The following CCDC3 variants were observed in gnomAD, a reference collection of about 807,000 sequenced individuals.
CCDC3 encodes the protein coiled-coil domain-containing protein 3.
A neutral mutation model predicts 21.4 loss-of-function variants in CCDC3; 24 were observed. The ratio of observed to expected loss-of-function variants is 1.12; its 90% CI spans 0.81 to 1.58. The LOEUF (loss-of-function observed/expected upper bound fraction) is 1.58, where lower values mean the gene tolerates loss of function less well. Among genes scored for constraint, CCDC3 ranks in the 40% most tolerant of loss-of-function variants. The probability of loss-of-function intolerance (pLI) is 0.00; values close to 1 mark genes in which losing one functional copy is unlikely to be tolerated. For synonymous variants in CCDC3, 186 were observed against 166.0 expected (o/e 1.12, Z -0.93); for missense variants, 425 against 360.9 (o/e 1.18, Z -1.44).
intron 5 of CCDC3, among the ~76,000 whole-genome samples, chr10:13,048,694 G>A (rs1836564184): frequency 6.6e-6 from 1 of 152,120 alleles, no homozygotes; most frequent in Non-Finnish European, 1.5e-5. Context: ...ACCTCCACAA[G>A]CAGATGAGTC....
At chr10:13,046,150 A>G (rs1307212556) in intron 5 of CCDC3, among the ~76,000 whole-genome samples, 3 of 152,156 alleles carry the variant, frequency 2.0e-5, no homozygotes, top group Non-Finnish European at 4.4e-5. Context: ...TCATTCCTGT[A>G]ATCCCAGCAC....
chr10:13,059,698 G>A (rs559384027), intron 4 of CCDC3, among the ~76,000 whole-genome samples: 58 of 152,208 alleles, frequency 3.8e-4, no homozygotes, highest in Middle Eastern at 3.4e-3. Flanking sequence ...AACTGACCAC[G>A]AAATGGGAGG....
intron 2 of CCDC3, among the ~76,000 whole-genome samples, chr10:12,952,618 T>TTATACA: frequency 6.6e-6 from 1 of 152,172 alleles, no homozygotes; most frequent in East Asian, 1.9e-4. Flanking sequence ...CTTCATCCTT[T>TTATACA]GGCATTGATG....
At chr10:13,014,285 CT>C (rs1219160203) in intron 5 of CCDC3, among the ~76,000 whole-genome samples, 1 of 150,296 alleles carries the variant, frequency 6.7e-6, no homozygotes, top group Admixed American at 6.6e-5. Context: ...CTCATCTCTA[CT>C]AAAAATACAA....
At chr10:12,967,573 A>G (rs561616145) in intron 2 of CCDC3, among the ~76,000 whole-genome samples, 1 of 152,292 alleles carries the variant, frequency 6.6e-6, no homozygotes, top group Non-Finnish European at 1.5e-5. Context: ...AGGAGAAAAA[A>G]AGTCTGTGAA....
chr10:13,006,019 T>C (rs184237228), upstream of CCDC3, among the ~76,000 whole-genome samples: 83 of 152,264 alleles, frequency 5.5e-4, 1 homozygote, highest in Middle Eastern at 3.4e-3. Flanking sequence ...CCTGAATTTT[T>C]GTGGGGCCTA....
At chr10:13,061,424 C>G (rs1309461144) in intron 4 of CCDC3, among the ~76,000 whole-genome samples, 1 of 152,176 alleles carries the variant, frequency 6.6e-6, no homozygotes, top group Non-Finnish European at 1.5e-5. Flanking sequence ...GGAGCATCCC[C>G]TCTGGTCTTG....
At position 13,027,824 on chromosome 10, in the gene CCDC3, A is replaced by G. The variant is rs1004888424; in HGVS notation, c.-2+21850T>C. On this transcript the variant is annotated intron_variant, in intron 5 of 6. Transcript: ENST00000378839. The stretch of plus-strand genomic sequence containing the variant: ...CTACTATTAGCACCATTTTATGGAT[A>G]ATGAACTAAAACAATAGTTGAGAGA... 2.0e-5 allele frequency among the ~76,000 whole-genome samples: 3 copies of G among 152,280 alleles called. No homozygotes were observed. The East Asian group carries it at 5.8e-4, about 29-fold the overall frequency.
chr10:13,027,720 TA>T (rs5783300), intron 5 of CCDC3, among the ~76,000 whole-genome samples: 4 of 144,174 alleles, frequency 2.8e-5, no homozygotes, highest in African/African-American at 5.2e-5. Context: ...CAAAAAAAAT[TA>T]AAAAAAAAAA....
intron 5 of CCDC3, among the ~76,000 whole-genome samples, chr10:13,027,615 G>A (rs1419205593): frequency 6.6e-6 from 1 of 152,030 alleles, no homozygotes; most frequent in East Asian, 1.9e-4. Context: ...GGAGGCTGAG[G>A]CGGGAGGATT....
chr10:13,051,276 C>T (rs564200274), intron 4 of CCDC3, among the ~76,000 whole-genome samples: 1 of 152,314 alleles, frequency 6.6e-6, no homozygotes, highest in East Asian at 1.9e-4. Context: ...AAGGCCACTC[C>T]AGCGCTGGTT....
chr10:12,914,569 C>T (rs1834320917), intron 2 of CCDC3, among the ~76,000 whole-genome samples: 1 of 152,042 alleles, frequency 6.6e-6, no homozygotes, highest in South Asian at 2.1e-4. Flanking sequence ...CTCAGCCTCC[C>T]AAGCAGCTGG....
Position 13,074,949 on chromosome 10 carries a change from G to T in CCDC3, c.-502-849C>A, listed in dbSNP as rs558544308. 4.2e-4 allele frequency among the ~76,000 whole-genome samples: 64 copies of T among 152,304 alleles called. No homozygotes were observed. The Middle Eastern group carries it at 0.01, about 24-fold the overall frequency. ...TTAAGATGCTGGCCCTATAGAAATA[G>T]ATTTCATGTTTTCCAAAGAGGACCC... On this transcript the variant is annotated intron_variant, in intron 3 of 6. Coordinates refer to the CCDC3 transcript ENST00000378839.
intron 2 of CCDC3, among the ~76,000 whole-genome samples, chr10:12,919,748 G>A (rs954575237): frequency 8.6e-5 from 13 of 151,762 alleles, no homozygotes; most frequent in African/African-American, 1.4e-4. Flanking sequence ...CAGAGTGCCC[G>A]GGGTGGGTGG....
chr10:13,091,362 C>G (rs571667737), intron 3 of CCDC3, among the ~76,000 whole-genome samples: 31 of 152,248 alleles, frequency 2.0e-4, no homozygotes, highest in African/African-American at 7.2e-4. Flanking sequence ...GATTAGTGCC[C>G]TCATGAAAGA....
intron 4 of CCDC3, among the ~76,000 whole-genome samples, chr10:13,072,913 C>T (rs1379123501): frequency 7.1e-6 from 1 of 141,278 alleles, no homozygotes; most frequent in Non-Finnish European, 1.5e-5. Flanking sequence ...GTCACCCAGG[C>T]TAGAGTGCAG....
At chr10:12,907,599 G>T (rs761383807) in intron 2 of CCDC3, among the ~76,000 whole-genome samples, 1 of 152,128 alleles carries the variant, frequency 6.6e-6, no homozygotes, top group Non-Finnish European at 1.5e-5. Flanking sequence ...AGCTGAGATC[G>T]CACCACTGCA....
intron 3 of CCDC3, among the ~76,000 whole-genome samples, chr10:13,085,950 G>C (rs1460096232): frequency 6.8e-6 from 1 of 147,868 alleles, no homozygotes; most frequent in Non-Finnish European, 1.5e-5. Flanking sequence ...CTGGGTGACA[G>C]AGAGAGACTC....
At chr10:13,001,091 A>T (rs1554760373) in intron 1 of CCDC3, 106 bp downstream of exon 1, 1 of 1,408,088 alleles carries the variant, frequency 7.1e-7, no homozygotes, top group East Asian at 2.5e-5. Flanking sequence ...TTCTCACTTG[A>T]CACCGACAGG....
Sources: allele counts gnomAD v4.1 joint callset (sites outside exome capture counted in the v4.1 genomes callset), GRCh38; gene constraint gnomAD v4.1.1; transcripts MANE v1.5; gene names NCBI Gene and HGNC (gene_info 2026-07-23, HGNC 2026-07-21).